Variants in FMN1 observed in about 807,000 individuals in gnomAD.
FMN1 encodes the protein formin-1.
In FMN1, 110 loss-of-function variants were observed where a neutral mutation model predicts 132.4. That is an observed-to-expected ratio of 0.83 (90% CI 0.71 to 0.97). FMN1 has a LOEUF of 0.97. Ranked by LOEUF, FMN1 falls within the 50% of genes least tolerant of loss-of-function variation. The pLI, the probability that FMN1 is intolerant of heterozygous loss-of-function variation, is 0.00. For missense variants in FMN1, 1,792 were observed against 1,705.3 expected (o/e 1.05, Z -0.90); for synonymous variants, 722 against 651.7 (o/e 1.11, Z -1.64).
chr15:32,998,069 T>C (rs76725), intron 7 of FMN1, among the ~76,000 whole-genome samples: 40,262 of 152,120 alleles, frequency 0.26, 5,607 homozygotes, highest in Non-Finnish European at 0.31. Context: ...TATAAGATGA[T>C]AGTAAGTGTG....
At chr15:33,064,789 C>G in intron 6 of FMN1, 168 bp downstream of exon 6, 1 of 479,778 alleles carries the variant, frequency 2.1e-6, no homozygotes, top group Non-Finnish European at 3.7e-6. Context: ...GGCTCGTTAA[C>G]AATAAGTGTG....
At chr15:32,813,611 T>A (rs1441164516) in intron 17 of FMN1, among the ~76,000 whole-genome samples, 1 of 152,206 alleles carries the variant, frequency 6.6e-6, no homozygotes, top group African/African-American at 2.4e-5. Flanking sequence ...TTCTGTGTAG[T>A]CCAGTGAAGT....
intron 12 of FMN1, 65 bp downstream of exon 12, chr15:32,908,425 G>A (rs2060477778): frequency 9.6e-7 from 1 of 1,040,024 alleles, no homozygotes; most frequent in East Asian, 2.4e-5. Context: ...TCTGAGCTGG[G>A]AGACAAGAAG....
intron 17 of FMN1, chr15:32,837,147 A>G: frequency 4.4e-6 from 1 of 226,454 alleles, no homozygotes; most frequent in East Asian, 1.1e-4. Flanking sequence ...TGATGAGCTC[A>G]CTCAGGTTGA....
chr15:33,041,060 T>C (rs1362572358), intron 6 of FMN1, among the ~76,000 whole-genome samples: 1 of 152,160 alleles, frequency 6.6e-6, no homozygotes, highest in East Asian at 1.9e-4. Context: ...AATTCAGCAT[T>C]TCATCATGAC....
At chr15:32,774,459 C>A in intron 20 of FMN1, 105 bp from the exon 21 acceptor site, 1 of 860,856 alleles carries the variant, frequency 1.2e-6, no homozygotes, top group Non-Finnish European at 1.9e-6. Context: ...GGAATTGTGC[C>A]AAATGGCCTA....
intron 7 of FMN1, among the ~76,000 whole-genome samples, chr15:32,995,954 T>C (rs991231149): frequency 3.9e-5 from 6 of 152,220 alleles, no homozygotes; most frequent in African/African-American, 1.4e-4. Flanking sequence ...GAATTAGATA[T>C]AACAGTAAAT....
chr15:33,087,806 C>CAT (rs1555397072), intron 5 of FMN1, among the ~76,000 whole-genome samples: 7 of 150,936 alleles, frequency 4.6e-5, no homozygotes, highest in South Asian at 2.1e-4. Context: ...TACATATATA[C>CAT]ATATACACAT....
intron 4 of FMN1, among the ~76,000 whole-genome samples, chr15:33,090,735 T>G (rs965246890): frequency 2.6e-5 from 4 of 152,188 alleles, no homozygotes; most frequent in Non-Finnish European, 4.4e-5. Flanking sequence ...AGTGACCCAC[T>G]TCTAGTCTCA....
At chr15:33,082,289 T>C (rs2038512744) in intron 5 of FMN1, among the ~76,000 whole-genome samples, 1 of 152,018 alleles carries the variant, frequency 6.6e-6, no homozygotes, top group Non-Finnish European at 1.5e-5. Flanking sequence ...GTCAGGCTGG[T>C]CTCCAACTCC....
chr15:32,814,504 A>G (rs1210581697), intron 17 of FMN1, among the ~76,000 whole-genome samples: 1 of 152,140 alleles, frequency 6.6e-6, no homozygotes, highest in Non-Finnish European at 1.5e-5. Context: ...CATCATTCAG[A>G]CAGCAGACAC....
intron 17 of FMN1, among the ~76,000 whole-genome samples, chr15:32,839,162 G>A (rs968349485): frequency 1.3e-5 from 2 of 152,150 alleles, no homozygotes; most frequent in Non-Finnish European, 2.9e-5. Flanking sequence ...GCCAAGCAAA[G>A]ATGGGTTCCA....
intron 9 of FMN1, among the ~76,000 whole-genome samples, chr15:32,935,119 C>A (rs973915362): frequency 1.3e-5 from 2 of 152,058 alleles, no homozygotes; most frequent in Non-Finnish European, 1.5e-5. Context: ...GATGGGGTTT[C>A]ACCATGTTGG....
At chr15:33,083,423 C>G in intron 5 of FMN1, among the ~76,000 whole-genome samples, 1 of 152,126 alleles carries the variant, frequency 6.6e-6, no homozygotes, top group East Asian at 1.9e-4. Flanking sequence ...GCCAAGGGAA[C>G]CTTGTGATTA....
chr15:32,805,723 A>C (rs867076087), intron 17 of FMN1, among the ~76,000 whole-genome samples: 2 of 152,206 alleles, frequency 1.3e-5, no homozygotes, highest in South Asian at 2.1e-4. Context: ...ACGTCTCATC[A>C]TGTTCCCCCT....
intron 4 of FMN1, among the ~76,000 whole-genome samples, chr15:33,146,374 C>A (rs1367879026): frequency 6.6e-6 from 1 of 152,190 alleles, no homozygotes; most frequent in Non-Finnish European, 1.5e-5. Context: ...GAAGTGTTCT[C>A]TCTTGGTACT....
intron 17 of FMN1, among the ~76,000 whole-genome samples, chr15:32,807,499 A>G (rs1567199929): frequency 2.0e-5 from 3 of 152,240 alleles, no homozygotes; most frequent in Non-Finnish European, 4.4e-5. Flanking sequence ...GCATAGCCAA[A>G]CAGGAGGAAA....
chr15:33,120,496 A>G (rs554457938), intron 4 of FMN1, among the ~76,000 whole-genome samples: 1 of 152,318 alleles, frequency 6.6e-6, no homozygotes, highest in South Asian at 2.1e-4. Flanking sequence ...TGGACATTCC[A>G]GCAACAAGGA....
intron 9 of FMN1, among the ~76,000 whole-genome samples, chr15:32,943,100 GATTT>G (rs1382134701): frequency 6.6e-6 from 1 of 152,142 alleles, no homozygotes; most frequent in African/African-American, 2.4e-5. Context: ...TCAGGTCTTG[GATTT>G]TCAGATTTGG....
Sources: gnomAD v4.1 joint callset for allele counts (sites outside exome capture counted in the v4.1 genomes callset) on GRCh38, gnomAD v4.1.1 for gene constraint, MANE v1.5 for transcripts, NCBI Gene and HGNC (gene_info 2026-07-23, HGNC 2026-07-21) for gene names.